The following CHD9 variants were observed in gnomAD, a reference collection of about 807,000 sequenced individuals.
CHD9 encodes chromodomain helicase DNA binding protein 9, also known as ATP-dependent chromatin remodeler CHD9.
In CHD9, 77 loss-of-function variants were observed where a neutral mutation model predicts 316.1. The ratio of observed to expected loss-of-function variants is 0.24; its 90% CI spans 0.20 to 0.29. The LOEUF (loss-of-function observed/expected upper bound fraction) is 0.29, where lower values mean the gene tolerates loss of function less well. CHD9 is among the 10% of genes least tolerant of loss of function. The probability of loss-of-function intolerance (pLI) is 1.00; values close to 1 mark genes in which losing one functional copy is unlikely to be tolerated. For synonymous variants in CHD9, 1,129 were observed against 1,158.3 expected (o/e 0.97, Z 0.51); for missense variants, 2,763 against 3,438.1 (o/e 0.80, Z 4.91).
chr16:53,221,369 A>T (rs1429966173), intron 3 of CHD9, among the ~76,000 whole-genome samples: 1 of 152,226 alleles, frequency 6.6e-6, no homozygotes, highest in Non-Finnish European at 1.5e-5. Context: ...GCATGCTCTT[A>T]ACCTCCAAAT....
At chr16:53,171,599 T>G (rs1376933577) in intron 2 of CHD9, among the ~76,000 whole-genome samples, 1 of 152,084 alleles carries the variant, frequency 6.6e-6, no homozygotes, top group Non-Finnish European at 1.5e-5. Context: ...TTTATAATAC[T>G]AACACTTTGG....
chr16:53,220,120 G>C (rs2047113698), intron 3 of CHD9, among the ~76,000 whole-genome samples: 2 of 152,326 alleles, frequency 1.3e-5, no homozygotes, highest in South Asian at 4.1e-4. Context: ...AGCAGTGAAA[G>C]TGGTGAGAGG....
At chr16:53,183,098 T>G (rs754340817) in intron 2 of CHD9, among the ~76,000 whole-genome samples, 2 of 152,162 alleles carry the variant, frequency 1.3e-5, no homozygotes, top group Non-Finnish European at 2.9e-5. Context: ...GCTTCTATAC[T>G]AACACTTGAA....
chr16:53,103,595 T>C (rs1223684126), intron 1 of CHD9, among the ~76,000 whole-genome samples: 1 of 152,208 alleles, frequency 6.6e-6, no homozygotes, highest in African/African-American at 2.4e-5. Context: ...AAACTGAGGT[T>C]CTGAATGGCT....
At chr16:53,084,883 G>A (rs142133133) in intron 1 of CHD9, among the ~76,000 whole-genome samples, 155 of 152,278 alleles carry the variant, frequency 1.0e-3, no homozygotes, top group Non-Finnish European at 1.7e-3. Context: ...TCCTGGCTTC[G>A]TCTGTCCACA....
chr16:53,254,333 A>G, intron 17 of CHD9, 105 bp from the exon 18 acceptor site: 1 of 744,928 alleles, frequency 1.3e-6, no homozygotes, highest in Non-Finnish European at 2.0e-6. Context: ...TAATTCAATA[A>G]AAATGGTCTA....
At chr16:53,074,132 CTCT>C (rs1343838581) in intron 1 of CHD9, among the ~76,000 whole-genome samples, 1 of 152,146 alleles carries the variant, frequency 6.6e-6, no homozygotes, top group East Asian at 1.9e-4. Flanking sequence ...GCAAAGGTGA[CTCT>C]TCTTTATGTT....
chr16:53,186,177 G>T (rs1382969657), intron 2 of CHD9, among the ~76,000 whole-genome samples: 1 of 152,236 alleles, frequency 6.6e-6, no homozygotes, highest in African/African-American at 2.4e-5. Context: ...GCAGCCAGGA[G>T]GGGAGTTGTA....
intron 1 of CHD9, among the ~76,000 whole-genome samples, chr16:53,117,447 C>T (rs934946083): frequency 7.9e-5 from 12 of 152,012 alleles, no homozygotes; most frequent in African/African-American, 2.7e-4. Flanking sequence ...CAGAATCTCA[C>T]TCTGTTGCCT....
intron 1 of CHD9, among the ~76,000 whole-genome samples, chr16:53,124,467 ATT>A (rs753476091): frequency 6.2e-5 from 6 of 96,920 alleles, no homozygotes; most frequent in Non-Finnish European, 4.2e-5. Flanking sequence ...GTGAGACTTA[ATT>A]TTTTTTTTTT....
At position 53,273,623 on chromosome 16, in the gene CHD9, C is replaced by T; in HGVS notation, c.4718-3C>T. On this transcript the variant is annotated splice_polypyrimidine_tract_variant and splice_region_variant and intron_variant, in intron 22 of 38. Transcript: ENST00000447540. ...CCTAATTTATATGTCCTTATTTTAA[C>T]AGGCCTATCAGCTCCTGTACCCAGG... 1 of 1,566,028 alleles carries T rather than the reference C, an allele frequency of 6.4e-7. No homozygotes were observed. The highest frequency in any genetic ancestry group is 8.6e-7 in the Non-Finnish European group (1 of 1,159,292).
Position 53,274,253 on chromosome 16 carries a change from G to C in CHD9, c.4918G>C (p.Glu1640Gln). ...RVRMLYYLKQ[E>Q]VIGNECQKVF... ...GAGAATGCTGTATTATCTAAAGCAAGAAGTTATTGGAAATGAGTGTCAGAA... is the reference window on the plus strand; with the variant it reads ...GAGAATGCTGTATTATCTAAAGCAACAAGTTATTGGAAATGAGTGTCAGAA... The change falls in exon 24 of 39, where the codon GAA becomes CAA. Residue 1640 changes from glutamate (E) to glutamine (Q), a missense_variant. Around this residue, in one of 15 missense-constraint regions of CHD9, gnomAD observed 40 missense variants for 39.5 expected, o/e 1.01. Transcript: ENST00000447540. 6.2e-7 allele frequency: 1 copy of C among 1,600,716 alleles called. No individual in the cohort carries two copies. Among genetic ancestry groups the C allele is most frequent in the Non-Finnish European group, 8.5e-7 (1 of 1,174,544 alleles).
chr16:53,094,641 CTT>C (rs902726569), intron 1 of CHD9, among the ~76,000 whole-genome samples: 11 of 136,742 alleles, frequency 8.0e-5, no homozygotes, highest in Non-Finnish European at 7.9e-5. Flanking sequence ...TTTACTTTTT[CTT>C]TTTTTTTTTT....
At chr16:53,291,815 C>G (rs1163894343) in intron 28 of CHD9, 48 bp downstream of exon 28, 1 of 1,148,110 alleles carries the variant, frequency 8.7e-7, no homozygotes, top group Non-Finnish European at 1.2e-6. Context: ...AATTCACATT[C>G]TAATCATACC....
In CHD9 at chr16:53,307,884, T is replaced by A; in HGVS notation, c.6984T>A (p.Asp2328Glu). 6.2e-7 allele frequency: 1 copy of A among 1,613,730 alleles called. No homozygotes were observed. The highest frequency in any genetic ancestry group is 1.3e-5 in the African/African-American group (1 of 75,028). Residue 2328 changes from aspartate (D) to glutamate (E), a missense_variant, in exon 33 of 39, where the codon GAT becomes GAA. Asp to Glu is a conservative substitution (Grantham distance 45, BLOSUM62 2). Around this residue, in one of 15 missense-constraint regions of CHD9, gnomAD observed 663 missense variants for 751.2 expected, o/e 0.88. Transcript: ENST00000447540. Reference sequence around the variant, plus strand: ...GTGCCGGTGTTAAAGAAGAACATGATCAGTCAACACAGATGTCAAAGGTGA... The same window carrying A: ...GTGCCGGTGTTAAAGAAGAACATGAACAGTCAACACAGATGTCAAAGGTGA... ...PPGAGVKEEHDQSTQMSKVKK... is the reference protein window; with the variant it reads ...PPGAGVKEEHEQSTQMSKVKK...
chr16:53,077,684 A>G (rs2034661804), intron 1 of CHD9, among the ~76,000 whole-genome samples: 1 of 152,210 alleles, frequency 6.6e-6, no homozygotes, highest in South Asian at 2.1e-4. Context: ...TACAATATGT[A>G]ATGATTAAAT....
At chr16:53,309,328 G>C (rs946635377) in intron 34 of CHD9, among the ~76,000 whole-genome samples, 7 of 151,994 alleles carry the variant, frequency 4.6e-5, no homozygotes, top group African/African-American at 1.7e-4. Context: ...TTTATTATTG[G>C]GCAGCTCAAA....
intron 30 of CHD9, among the ~76,000 whole-genome samples, chr16:53,300,001 A>G (rs1314652296): frequency 6.6e-6 from 1 of 152,206 alleles, no homozygotes; most frequent in Non-Finnish European, 1.5e-5. Flanking sequence ...GAAGACAAAC[A>G]CCTTGTCATT....
chr16:53,229,525 C>T (rs1360802397), intron 8 of CHD9, among the ~76,000 whole-genome samples: 1 of 152,164 alleles, frequency 6.6e-6, no homozygotes, highest in African/African-American at 2.4e-5. Context: ...ATTTACCTCT[C>T]TAGGCCTGAC....
Sources: allele counts gnomAD v4.1 joint callset (sites outside exome capture counted in the v4.1 genomes callset), GRCh38; gene constraint gnomAD v4.1.1; regional missense constraint gnomAD v4.1.1; transcripts MANE v1.5; gene names NCBI Gene and HGNC (gene_info 2026-07-23, HGNC 2026-07-21).